Variants in KCNG2 observed in about 807,000 individuals in gnomAD.
KCNG2 encodes the protein potassium voltage-gated channel modifier subfamily G member 2.
In KCNG2, 7 loss-of-function variants were observed where a neutral mutation model predicts 12.3. That is an observed-to-expected ratio of 0.57 (90% confidence interval 0.32 to 1.07). KCNG2 has a LOEUF of 1.07. Among genes scored for constraint, KCNG2 ranks in the 50% least tolerant of loss-of-function variants. The pLI is 0.04. For synonymous variants in KCNG2, 414 were observed against 351.4 expected (o/e 1.18, Z -1.99); for missense variants, 703 against 726.0 (o/e 0.97, Z 0.36).
At chr18:79,807,545 C>G (rs569628071) in intron 1 of KCNG2, among the ~76,000 whole-genome samples, 1 of 152,326 alleles carries the variant, frequency 6.6e-6, no homozygotes, top group Admixed American at 6.5e-5. Flanking sequence ...AGATGAGAAA[C>G]TGGTGTGACT....
At chr18:79,864,324 C>T (rs750303505) in intron 3 of KCNG2, 33 bp downstream of exon 3, 12 of 1,026,070 alleles carry the variant, frequency 1.2e-5, no homozygotes, top group African/African-American at 8.0e-5. Context: ...GGGACCGGGC[C>T]GGAGCTGGGG....
chr18:79,829,253 T>TGTGTGTCTGTGTGTGC lies in KCNG2; in HGVS notation c.-114-27125_-114-27110dup, dbSNP rs1176873301. ...CGTGTCTGTGTGTAATGTGTCTGCG[T>TGTGTGTCTGTGTGTGC]GTGTGTCTGTGTGTGCATGTGTCTG... is the stretch of plus-strand genomic sequence containing the variant. On this transcript the variant is annotated intron_variant, in intron 1 of 3. Coordinates refer to ENST00000316249, the MANE Select transcript of KCNG2 (RefSeq NM_012283.2). 1.7e-3 allele frequency among the ~76,000 whole-genome samples: 260 copies of TGTGTGTCTGTGTGTGC among 150,218 alleles called. 1 individual carries two copies. Among genetic ancestry groups the TGTGTGTCTGTGTGTGC allele is most frequent in the African/African-American group, 6.3e-3 (256 of 40,706 alleles).
At chr18:79,873,576 C>T (rs544258685) in intron 3 of KCNG2, among the ~76,000 whole-genome samples, 5 of 152,236 alleles carry the variant, frequency 3.3e-5, no homozygotes, top group East Asian at 1.9e-4. Flanking sequence ...GAGCCCTGGA[C>T]GGGAGCGTTT....
rs192671990 is a variant in KCNG2, at chr18:79,825,258, C to T, written c.-115+27244C>T. Among the ~76,000 whole-genome samples the T allele has an allele frequency of 2.6e-5, 4 of 152,278 alleles. No homozygotes were observed. In the East Asian group the frequency reaches 5.8e-4, roughly 22 times the overall value. ...CAAAGAGGACTGCACAGTGTCTCCT[C>T]TGATTGTTCAGTCTGTTTCAAACGT... On this transcript the variant is annotated intron_variant, in intron 1 of 3. Transcript: ENST00000316249.
At chr18:79,848,688 T>C (rs925132660) in intron 1 of KCNG2, among the ~76,000 whole-genome samples, 5 of 152,016 alleles carry the variant, frequency 3.3e-5, no homozygotes, top group Admixed American at 1.3e-4. Context: ...GGGAAGGAGG[T>C]GGGGACGGTG....
At chr18:79,868,342 C>T (rs952470666) in intron 3 of KCNG2, among the ~76,000 whole-genome samples, 2 of 151,486 alleles carry the variant, frequency 1.3e-5, no homozygotes, top group Non-Finnish European at 1.5e-5. Context: ...GACCCGTGTC[C>T]GAGCGTCCGG....
At position 79,899,450 on chromosome 18, in the gene KCNG2, C is replaced by A; in HGVS notation, c.1035C>A (p.Arg345=). The A allele has an allele frequency of 6.3e-7, 1 of 1,599,476 alleles. No individual in the cohort carries two copies. Residue 345 remains arginine, a synonymous_variant, in exon 4 of 4, where the codon CGC becomes CGA. Coordinates refer to ENST00000316249, the MANE Select transcript of KCNG2 (RefSeq NM_012283.2). ...LFAPLVHLAE[R]ELGARRDFSS... is the part of the protein sequence containing the mutation. The stretch of plus-strand genomic sequence containing the variant: ...CGCCACTGGTGCACCTGGCCGAGCG[C>A]GAGCTGGGCGCGCGCCGCGACTTCT...
rs758694390 is a variant in KCNG2 at position 79,864,131 on chromosome 18, G to T, written c.464G>T (p.Arg155Leu). 1 of 1,310,248 alleles carries T rather than the reference G, an allele frequency of 7.6e-7. No individual in the cohort carries two copies. The allele number at this position is 1,310,248 out of a possible 1,614,324, so 81.2% of individuals were successfully genotyped here. Residue 155 changes from arginine (R) to leucine (L), a missense_variant, in exon 3 of 4, where the codon CGG becomes CTG. By Grantham distance (102) the Arg-to-Leu change is moderately radical (BLOSUM62 -2). Transcript: ENST00000316249. The stretch of plus-strand genomic sequence containing the variant: ...GCGCGCGCCCTGGGACCTCGGGGGC[G>T]GCTGCAGCGCGGCCGGCGGCGCCTG... ...SPARALGPRG[R>L]LQRGRRRLRD...
intron 3 of KCNG2, among the ~76,000 whole-genome samples, chr18:79,872,288 T>TTTTTTGG (rs1196716528): frequency 4.3e-5 from 3 of 70,254 alleles, no homozygotes; most frequent in East Asian, 5.8e-4. Context: ...CAGTTTTTTT[T>TTTTTTGG]TTTTTTTTTT....
At chr18:79,871,126 A>G (rs1979811313) in intron 3 of KCNG2, among the ~76,000 whole-genome samples, 1 of 152,104 alleles carries the variant, frequency 6.6e-6, no homozygotes, top group African/African-American at 2.4e-5. Context: ...AGTCCCTTGC[A>G]CTGGGGAGGG....
chr18:79,858,584 C>T lies in KCNG2; in HGVS notation c.-41+2132C>T, dbSNP rs1297106160. Among the ~76,000 whole-genome samples the T allele has an allele frequency of 2.0e-5, 3 of 152,258 alleles. No homozygotes were observed. In the South Asian group the frequency reaches 6.2e-4, roughly 32 times the overall value. On this transcript the variant is annotated intron_variant, in intron 2 of 3. Transcript: ENST00000316249. ...TTTCATTTGTCTTGAGTGTACATCT[C>T]GGAGTGGGGTCACCGGGTCACATGA... is the stretch of plus-strand genomic sequence containing the variant.
rs1012339095 is a variant in KCNG2, at chr18:79,899,979, T to C, written c.*163T>C. 6 of 542,134 alleles carry C rather than the reference T, an allele frequency of 1.1e-5. No homozygotes were observed. The highest frequency in any genetic ancestry group is 1.7e-5 in the Non-Finnish European group (6 of 362,048). 33.6% of individuals were successfully genotyped at this position (542,134 alleles called of 1,614,324 possible). On this transcript the variant is annotated 3_prime_UTR_variant, in exon 4 of 4. Coordinates refer to ENST00000316249, the MANE Select transcript of KCNG2 (RefSeq NM_012283.2). ...GCAGCCCCAGAACTTGGCGGGGCCC[T>C]GCCTGACTCCCCGTGGCAGCGCTGG... is the stretch of plus-strand genomic sequence containing the variant.
At chr18:79,810,026 G>A (rs926866492) in intron 1 of KCNG2, among the ~76,000 whole-genome samples, 1 of 152,230 alleles carries the variant, frequency 6.6e-6, no homozygotes. Context: ...TCGCGGAGCC[G>A]CCCGCCCATT....
intron 3 of KCNG2, among the ~76,000 whole-genome samples, chr18:79,869,575 C>T (rs552275883): frequency 4.1e-4 from 62 of 152,190 alleles, no homozygotes; most frequent in Non-Finnish European, 7.6e-4. Context: ...CTGTCCTCTG[C>T]CTTCTCACGT....
At chr18:79,829,021 CTGTG>C (rs1167841302) in intron 1 of KCNG2, among the ~76,000 whole-genome samples, 1 of 82,692 alleles carries the variant, frequency 1.2e-5, no homozygotes, top group East Asian at 4.3e-4. Context: ...GTGCATGTGT[CTGTG>C]TGTGGGTGTC....
chr18:79,854,544 T>TTTTTG (rs1978941555), intron 1 of KCNG2, among the ~76,000 whole-genome samples: 1 of 150,740 alleles, frequency 6.6e-6, no homozygotes, highest in African/African-American at 2.4e-5. Flanking sequence ...TTTTTTTTTT[T>TTTTTG]GAGACAGGGT....
intron 3 of KCNG2, among the ~76,000 whole-genome samples, chr18:79,873,665 C>T (rs1410997228): frequency 1.3e-5 from 2 of 152,172 alleles, no homozygotes; most frequent in East Asian, 1.9e-4. Context: ...ACCCCATGTC[C>T]TCAGTGTCTG....
At chr18:79,854,729 G>A (rs544966483) in intron 1 of KCNG2, among the ~76,000 whole-genome samples, 1 of 152,166 alleles carries the variant, frequency 6.6e-6, no homozygotes, top group South Asian at 2.1e-4. Flanking sequence ...GTTTCACCGT[G>A]GTCTTGATCT....
chr18:79,876,551 G>A (rs114421081), intron 3 of KCNG2, among the ~76,000 whole-genome samples: 2,248 of 152,366 alleles, frequency 0.015, 58 homozygotes, highest in African/African-American at 0.052. Context: ...GACTTGGAAC[G>A]ATTCTGTCCC....
Sources: gnomAD v4.1 joint callset for allele counts (sites outside exome capture counted in the v4.1 genomes callset) on GRCh38, gnomAD v4.1.1 for gene constraint, MANE v1.5 for transcripts, NCBI Gene and HGNC (gene_info 2026-07-23, HGNC 2026-07-21) for gene names.